CSMD3: variants seen among roughly 807,000 people sequenced by gnomAD.
The protein encoded by CSMD3 is CUB and sushi domain-containing protein 3.
CSMD3 carries 177 observed loss-of-function variants against 435.2 expected under a neutral mutation model. The observed-to-expected ratio is 0.41, with a 90% CI of 0.36 to 0.46. The LOEUF is 0.46. CSMD3 is among the 20% of genes least tolerant of loss of function. The pLI is 0.34. For synonymous variants in CSMD3, 1,656 were observed against 1,520.5 expected (o/e 1.09, Z -2.07); for missense variants, 4,265 against 4,504.6 (o/e 0.95, Z 1.52).
chr8:113,023,704 C>A (rs937212372), intron 5 of CSMD3, among the ~76,000 whole-genome samples: 1 of 152,048 alleles, frequency 6.6e-6, no homozygotes, highest in Non-Finnish European at 1.5e-5. Flanking sequence ...AGACAAAGTT[C>A]CATGGTTAAG....
At chr8:112,575,395 G>A (rs1319061958) in intron 23 of CSMD3, among the ~76,000 whole-genome samples, 1 of 151,962 alleles carries the variant, frequency 6.6e-6, no homozygotes, top group East Asian at 1.9e-4. Flanking sequence ...GTAAGGAATT[G>A]AGAATCTTAA....
chr8:112,229,644 G>T (rs929300949), intron 69 of CSMD3, among the ~76,000 whole-genome samples: 1 of 152,048 alleles, frequency 6.6e-6, no homozygotes, highest in Non-Finnish European at 1.5e-5. Flanking sequence ...GCCCATGCTG[G>T]TCTTGAACTC....
At chr8:113,085,627 G>A (rs2089734865) in intron 5 of CSMD3, among the ~76,000 whole-genome samples, 1 of 152,054 alleles carries the variant, frequency 6.6e-6, no homozygotes, top group African/African-American at 2.4e-5. Context: ...GTCATTAATG[G>A]CAACATGTAT....
chr8:112,490,337 G>C (rs2130841037), intron 31 of CSMD3, among the ~76,000 whole-genome samples: 1 of 152,192 alleles, frequency 6.6e-6, no homozygotes, highest in Middle Eastern at 3.4e-3. Flanking sequence ...CTGTAGATAT[G>C]AACTATTCAA....
chr8:112,452,028 T>A (rs537140638), intron 32 of CSMD3, among the ~76,000 whole-genome samples: 3 of 152,322 alleles, frequency 2.0e-5, no homozygotes, highest in Admixed American at 6.5e-5. Context: ...TCTCCCCAGC[T>A]GTGATTTATG....
At chr8:112,267,802 AG>A (rs907660829) in intron 59 of CSMD3, among the ~76,000 whole-genome samples, 7 of 152,166 alleles carry the variant, frequency 4.6e-5, no homozygotes, top group Non-Finnish European at 1.0e-4. Flanking sequence ...AAGCTTTAGA[AG>A]GGTTTGTTTG....
At chr8:113,040,510 G>A (rs1276913237) in intron 5 of CSMD3, among the ~76,000 whole-genome samples, 1 of 152,142 alleles carries the variant, frequency 6.6e-6, no homozygotes, top group Admixed American at 6.5e-5. Context: ...AGAATTGATG[G>A]CAATGGAGGT....
intron 12 of CSMD3, among the ~76,000 whole-genome samples, chr8:112,828,719 C>T (rs955950717): frequency 5.3e-5 from 8 of 152,144 alleles, no homozygotes; most frequent in African/African-American, 1.9e-4. Flanking sequence ...TTGTCCATCA[C>T]ACCTTAGGAA....
At chr8:113,051,102 A>G (rs2088069947) in intron 5 of CSMD3, among the ~76,000 whole-genome samples, 1 of 152,052 alleles carries the variant, frequency 6.6e-6, no homozygotes, top group African/African-American at 2.4e-5. Flanking sequence ...TACTCTAACA[A>G]TTTTTCCACA....
intron 27 of CSMD3, among the ~76,000 whole-genome samples, chr8:112,534,036 G>A (rs1265414518): frequency 6.6e-6 from 1 of 151,976 alleles, no homozygotes; most frequent in East Asian, 1.9e-4. Context: ...AAGAAATTAA[G>A]AAGGAAATTA....
intron 5 of CSMD3, among the ~76,000 whole-genome samples, chr8:113,030,533 T>C (rs904909689): frequency 2.0e-5 from 3 of 149,452 alleles, no homozygotes; most frequent in Admixed American, 6.7e-5. Flanking sequence ...AAGCTCAAAA[T>C]TGATCATGGA....
intron 3 of CSMD3, among the ~76,000 whole-genome samples, chr8:113,225,174 G>T (rs2093012839): frequency 6.6e-6 from 1 of 151,316 alleles, no homozygotes; most frequent in Non-Finnish European, 1.5e-5. Context: ...AACGTCCTAG[G>T]ATTATCAAAT....
intron 5 of CSMD3, among the ~76,000 whole-genome samples, chr8:113,041,137 C>T (rs541104590): frequency 7.1e-6 from 1 of 141,506 alleles, no homozygotes. Context: ...ACCAGGGAAG[C>T]AGAGGTTGCG....
intron 1 of CSMD3, among the ~76,000 whole-genome samples, chr8:113,333,865 T>C (rs2132790833): frequency 6.6e-6 from 1 of 152,024 alleles, no homozygotes; most frequent in South Asian, 2.1e-4. Flanking sequence ...TTGGGGATAA[T>C]TGCTGTTTCA....
chr8:112,248,215 A>G (rs1814937667), intron 63 of CSMD3, among the ~76,000 whole-genome samples: 1 of 152,118 alleles, frequency 6.6e-6, no homozygotes, highest in Admixed American at 6.6e-5. Flanking sequence ...ATGAAATAGA[A>G]TTTATACTCC....
intron 66 of CSMD3, among the ~76,000 whole-genome samples, chr8:112,238,278 A>G (rs1320900324): frequency 6.6e-6 from 1 of 151,668 alleles, no homozygotes; most frequent in Non-Finnish European, 1.5e-5. Flanking sequence ...CCTTTTTTTT[A>G]ATTTGTCTAA....
At chr8:112,612,639 T>A (rs760009395) in intron 22 of CSMD3, among the ~76,000 whole-genome samples, 10 of 151,434 alleles carry the variant, frequency 6.6e-5, no homozygotes, top group Non-Finnish European at 2.9e-5. Flanking sequence ...AAGAAAAACA[T>A]TGTGATCCTG....
chr8:112,724,599 G>C (rs1296026171), intron 13 of CSMD3, among the ~76,000 whole-genome samples: 1 of 152,020 alleles, frequency 6.6e-6, no homozygotes, highest in Non-Finnish European at 1.5e-5. Context: ...TACATAACTT[G>C]GGGAATTAGG....
intron 41 of CSMD3, among the ~76,000 whole-genome samples, chr8:112,342,534 A>G (rs1031525434): frequency 6.6e-6 from 1 of 152,144 alleles, no homozygotes; most frequent in African/African-American, 2.4e-5. Context: ...AGTGATTTAT[A>G]TATGCTAACT....
Sources: allele counts gnomAD v4.1 joint callset (sites outside exome capture counted in the v4.1 genomes callset), GRCh38; gene constraint gnomAD v4.1.1; transcripts MANE v1.5; gene names NCBI Gene and HGNC (gene_info 2026-07-23, HGNC 2026-07-21).